WDFY1: variants seen among roughly 807,000 people sequenced by gnomAD.
WDFY1 encodes WD repeat and FYVE domain containing 1, also known as WD repeat and FYVE domain-containing protein 1.
In WDFY1, 32 loss-of-function variants were observed where a neutral mutation model predicts 56.4. That is an observed-to-expected ratio of 0.57 (90% CI 0.43 to 0.76). The LOEUF is 0.76. WDFY1 is among the 30% of genes least tolerant of loss of function. The probability of loss-of-function intolerance (pLI) is 0.00; values close to 1 mark genes in which losing one functional copy is unlikely to be tolerated. For missense variants in WDFY1, 480 were observed against 545.7 expected, an observed-to-expected ratio of 0.88 and a Z score of 1.20; for synonymous variants, 192 against 197.3, an observed-to-expected ratio of 0.97 and a Z score of 0.23.
chr2:223,891,628 T>C (rs888442231), intron 8 of WDFY1, among the ~76,000 whole-genome samples: 5 of 152,120 alleles, frequency 3.3e-5, no homozygotes, highest in African/African-American at 1.2e-4. Context: ...AGAAATACAC[T>C]CCACAGTGAT....
chr2:223,912,185 G>C (rs1559170111), intron 3 of WDFY1, 68 bp downstream of exon 3: 1 of 1,470,444 alleles, frequency 6.8e-7, no homozygotes, highest in East Asian at 2.5e-5. Flanking sequence ...GCCAATATGG[G>C]ACATGGGAGG....
intron 2 of WDFY1, 82 bp downstream of exon 2, chr2:223,917,861 C>T (rs1266814377): frequency 1.4e-5 from 21 of 1,535,562 alleles, no homozygotes; most frequent in Non-Finnish European, 1.9e-5. Context: ...TGTGAGCCAC[C>T]ATGCTCAGCC....
chr2:223,884,826 C>A, intron 8 of WDFY1, 77 bp from the exon 9 acceptor site: 23 of 1,245,068 alleles, frequency 1.8e-5, no homozygotes, highest in South Asian at 6.3e-5. Context: ...TACAACAGTT[C>A]TAGACCTTGC....
intron 3 of WDFY1, among the ~76,000 whole-genome samples, chr2:223,906,319 C>T (rs1009320235): frequency 3.3e-5 from 5 of 152,142 alleles, no homozygotes; most frequent in Admixed American, 3.3e-4. Flanking sequence ...CTCTTAGTGA[C>T]ACAAAAAATC....
At chr2:223,897,351 CAT>C (rs1194128689) in intron 6 of WDFY1, among the ~76,000 whole-genome samples, 57 of 53,678 alleles carry the variant, frequency 1.1e-3, no homozygotes, top group South Asian at 5.8e-3. Flanking sequence ...CTAAATTTCG[CAT>C]ATATATATAT....
chr2:223,890,078 T>A (rs747125626), intron 8 of WDFY1, among the ~76,000 whole-genome samples: 2 of 152,158 alleles, frequency 1.3e-5, no homozygotes, highest in Non-Finnish European at 2.9e-5. Context: ...CCTATCCACT[T>A]CTACCTATGG....
chr2:223,927,415 G>T (rs758738034), intron 1 of WDFY1, among the ~76,000 whole-genome samples: 5 of 152,166 alleles, frequency 3.3e-5, no homozygotes, highest in Non-Finnish European at 5.9e-5. Context: ...GCTTCACTTT[G>T]CACTTTTATG....
chr2:223,901,448 T>C, intron 4 of WDFY1, 115 bp from the exon 5 acceptor site: 4 of 1,236,978 alleles, frequency 3.2e-6, no homozygotes, highest in Non-Finnish European at 4.4e-6. Context: ...TACAAGAGTG[T>C]ACTGGAAATG....
chr2:223,895,809 A>G (rs1288145861), intron 6 of WDFY1, among the ~76,000 whole-genome samples, 179 bp from the exon 7 acceptor site: 1 of 152,182 alleles, frequency 6.6e-6, no homozygotes, highest in Non-Finnish European at 1.5e-5. Flanking sequence ...TGAGTCATAC[A>G]GAAGACACAG....
chr2:223,932,117 CTT>C (rs35246074), intron 1 of WDFY1, among the ~76,000 whole-genome samples: 2,620 of 93,700 alleles, frequency 0.028, 26 homozygotes, highest in African/African-American at 0.11. Flanking sequence ...GTATGAGTAC[CTT>C]TTTTTTTTTT....
chr2:223,896,253 C>T (rs1481334645), intron 6 of WDFY1, among the ~76,000 whole-genome samples: 1 of 139,426 alleles, frequency 7.2e-6, no homozygotes, highest in Non-Finnish European at 1.5e-5. Flanking sequence ...AAGTAGCTTA[C>T]ATACAAAATG....
chr2:223,885,086 G>C (rs1693150359), intron 8 of WDFY1, among the ~76,000 whole-genome samples: 4 of 151,928 alleles, frequency 2.6e-5, no homozygotes, highest in African/African-American at 9.7e-5. Context: ...CCAAAGTGCT[G>C]GGATTATAAG....
chr2:223,912,405 G>A (rs988301189), intron 2 of WDFY1, 79 bp from the exon 3 acceptor site: 1 of 1,109,122 alleles, frequency 9.0e-7, no homozygotes. Context: ...AGAACTATAT[G>A]ATAAGAACTA....
At chr2:223,942,813 G>T (rs1235825591) in intron 1 of WDFY1, among the ~76,000 whole-genome samples, 1 of 149,990 alleles carries the variant, frequency 6.7e-6, no homozygotes, top group Non-Finnish European at 1.5e-5. Context: ...GGGATTACAG[G>T]CGTGAGCCAC....
At chr2:223,900,660 GT>G (rs1324597408) in intron 5 of WDFY1, among the ~76,000 whole-genome samples, 1 of 152,170 alleles carries the variant, frequency 6.6e-6, no homozygotes, top group Non-Finnish European at 1.5e-5. Flanking sequence ...TTAAGCAAAA[GT>G]TTTGTGTAAA....
rs77876243 is a variant in WDFY1, at chr2:223,893,735, G to T, written c.831+499C>A. 3.1e-3 allele frequency among the ~76,000 whole-genome samples: 476 copies of T among 152,308 alleles called. 4 individuals carry two copies. Among genetic ancestry groups the T allele is most frequent in the African/African-American group, 0.011 (446 of 41,576 alleles). ...AGTTAGAAATTAGGTCACCTGAAAA[G>T]AATACTATGTCGACATGGCCTCAGT... is the stretch of plus-strand genomic sequence containing the variant. On this transcript the variant is annotated intron_variant, in intron 8 of 11. Transcript: ENST00000233055.
At position 223,945,305 on chromosome 2, in the gene WDFY1, G is replaced by A. The variant is rs903043367; in HGVS notation, c.-21C>T. 11 of 1,555,644 alleles carry A rather than the reference G, an allele frequency of 7.1e-6. No homozygotes were observed. Among genetic ancestry groups the A allele is most frequent in the Admixed American group, 3.7e-5 (2 of 54,702 alleles). On this transcript the variant is annotated 5_prime_UTR_variant, in exon 1 of 12. Coordinates refer to ENST00000233055, the MANE Select transcript of WDFY1 (RefSeq NM_020830.5). ...GCCATGTTCGCGCGGCGACTGCTGC[G>A]GCCTCCTCGGCAGGCAGCCCATCAG...
chr2:223,906,833 A>G lies in WDFY1; in HGVS notation c.280-832T>C, dbSNP rs1693604329. Among the ~76,000 whole-genome samples, 3 of 151,366 alleles carry G rather than the reference A, an allele frequency of 2.0e-5. 1 individual carries two copies. The South Asian group carries it at 6.3e-4, about 32-fold the overall frequency. On this transcript the variant is annotated intron_variant, in intron 3 of 11. Transcript: ENST00000233055. ...CTGCACCTGGCCCCAAACTTTCTAT[A>G]GATGTAATACTTTATAACTTGGAAA...
intron 1 of WDFY1, among the ~76,000 whole-genome samples, chr2:223,924,864 T>C (rs1174664106): frequency 3.4e-5 from 4 of 117,752 alleles, no homozygotes; most frequent in Non-Finnish European, 5.4e-5. Context: ...TCATACTTCT[T>C]TGTCAGAATT....
Sources: allele counts gnomAD v4.1 joint callset (sites outside exome capture counted in the v4.1 genomes callset), GRCh38; gene constraint gnomAD v4.1.1; transcripts MANE v1.5; gene names NCBI Gene and HGNC (gene_info 2026-07-23, HGNC 2026-07-21).